The following FSTL4 variants were observed in gnomAD, a reference collection of about 807,000 sequenced individuals.
FSTL4 encodes the protein follistatin like 4, also known as follistatin-related protein 4.
A neutral mutation model predicts 78.2 loss-of-function variants in FSTL4; 28 were observed. That is an observed-to-expected ratio of 0.36 (90% CI 0.27 to 0.49). The LOEUF is 0.49. Among genes scored for constraint, FSTL4 ranks in the 20% least tolerant of loss-of-function variants. The pLI is 0.98. For missense variants in FSTL4, 922 were observed against 1,084.9 expected (o/e 0.85, Z 2.11); for synonymous variants, 422 against 440.5 (o/e 0.96, Z 0.53).
chr5:133,248,861 T>A (rs991159043), intron 7 of FSTL4: 3 of 159,772 alleles, frequency 1.9e-5, no homozygotes, highest in Admixed American at 1.8e-4. Flanking sequence ...CCTGACCTGG[T>A]TTCCCTCTAC....
At position 133,603,840 on chromosome 5, in the gene FSTL4, G is replaced by C. The variant is rs150489062; in HGVS notation, c.126+18C>G. 1.2e-6 allele frequency: 2 copies of C among 1,612,402 alleles called. No homozygotes were observed. The highest frequency in any genetic ancestry group is 1.1e-5 in the South Asian group (1 of 91,016). ...GCAATCAGTTTGAAATGTTATGTCC[G>C]CAGGGATTTGACTATACCTCTGCCT... On this transcript the variant is annotated intron_variant, in intron 2 of 15. Coordinates refer to ENST00000265342, the MANE Select transcript of FSTL4 (RefSeq NM_015082.2).
chr5:133,657,402 T>A, the FSTL4 span, among the ~76,000 whole-genome samples: 18 of 152,240 alleles, frequency 1.2e-4, no homozygotes, highest in African/African-American at 4.3e-4. Context: ...GTGACCATGT[T>A]ATATGAGGTG....
chr5:133,477,991 C>T (rs943360179), intron 3 of FSTL4, among the ~76,000 whole-genome samples: 7 of 152,188 alleles, frequency 4.6e-5, no homozygotes, highest in African/African-American at 7.2e-5. Flanking sequence ...CTGAGGGAGA[C>T]GCCAATCATT....
At chr5:133,666,618 C>T in the FSTL4 span, among the ~76,000 whole-genome samples, 4 of 151,600 alleles carry the variant, frequency 2.6e-5, no homozygotes, top group Admixed American at 2.6e-4. Context: ...ACCCTGGTGG[C>T]TTTAACACCG....
intron 3 of FSTL4, among the ~76,000 whole-genome samples, chr5:133,456,954 A>C (rs1395728161): frequency 1.3e-5 from 2 of 152,148 alleles, no homozygotes; most frequent in Admixed American, 6.5e-5. Flanking sequence ...TGCCCTTCAG[A>C]TCTCTACACA....
At chr5:133,521,568 C>T (rs1269622342) in intron 3 of FSTL4, among the ~76,000 whole-genome samples, 1 of 152,106 alleles carries the variant, frequency 6.6e-6, no homozygotes, top group Non-Finnish European at 1.5e-5. Flanking sequence ...GAGGAATCAT[C>T]AAATGAATGA....
the FSTL4 span, among the ~76,000 whole-genome samples, chr5:133,813,273 T>C: frequency 3.9e-5 from 6 of 152,380 alleles, no homozygotes; most frequent in Middle Eastern, 3.4e-3. Context: ...TTACTTAACG[T>C]AACATATCTG....
At chr5:133,601,827 G>A (rs1423770311) in intron 2 of FSTL4, among the ~76,000 whole-genome samples, 1 of 151,902 alleles carries the variant, frequency 6.6e-6, no homozygotes, top group East Asian at 1.9e-4. Context: ...GGGACTACAG[G>A]AGTGCACCAC....
chr5:133,349,295 CTG>C (rs1554107119), intron 4 of FSTL4, among the ~76,000 whole-genome samples: 1,468 of 139,582 alleles, frequency 0.011, 14 homozygotes, highest in Middle Eastern at 0.032. Flanking sequence ...GCCTCTCTCT[CTG>C]TGTGTGTGTG....
chr5:133,406,555 C>T (rs58496476), intron 3 of FSTL4, among the ~76,000 whole-genome samples: 1 of 152,200 alleles, frequency 6.6e-6, no homozygotes, highest in Non-Finnish European at 1.5e-5. Context: ...CTCCACACTC[C>T]TAGATGCCCT....
chr5:133,202,416 A>G (rs1433337045), intron 14 of FSTL4: 1 of 159,176 alleles, frequency 6.3e-6, no homozygotes, highest in African/African-American at 2.4e-5. Context: ...GTGGTTGCTC[A>G]GAGACCACCT....
chr5:133,297,519 T>TA (rs1313928096), intron 6 of FSTL4, among the ~76,000 whole-genome samples: 1 of 152,198 alleles, frequency 6.6e-6, no homozygotes, highest in Non-Finnish European at 1.5e-5. Context: ...TCTTCACCTC[T>TA]AAAATGAGAC....
the FSTL4 span, among the ~76,000 whole-genome samples, chr5:133,831,737 A>G: frequency 6.6e-6 from 1 of 152,248 alleles, no homozygotes; most frequent in Non-Finnish European, 1.5e-5. Flanking sequence ...GGTTTGCAAA[A>G]GCACAAGAGC....
intron 3 of FSTL4, among the ~76,000 whole-genome samples, chr5:133,464,746 C>T (rs529581618): frequency 6.6e-6 from 1 of 152,364 alleles, no homozygotes; most frequent in South Asian, 2.1e-4. Context: ...GCTCACCCAG[C>T]TGCAGGATTT....
At chr5:133,331,130 A>T (rs554315664) in intron 4 of FSTL4, among the ~76,000 whole-genome samples, 2 of 152,288 alleles carry the variant, frequency 1.3e-5, no homozygotes, top group East Asian at 3.9e-4. Context: ...GCTGAGAGGG[A>T]AAGCAGCCCC....
chr5:133,825,404 A>C, the FSTL4 span, among the ~76,000 whole-genome samples: 1 of 152,216 alleles, frequency 6.6e-6, no homozygotes, highest in Non-Finnish European at 1.5e-5. Context: ...ACCTTAGCAC[A>C]AACTAATAGC....
intron 11 of FSTL4, 104 bp downstream of exon 11, chr5:133,224,086 C>T (rs891256942): frequency 2.4e-6 from 2 of 836,748 alleles, no homozygotes; most frequent in East Asian, 2.5e-5. Context: ...TCCCATAGGG[C>T]TGCTTTGTGT....
At chr5:133,697,676 T>TCAGAAGTCCCCTCTGCAGGCTC in the FSTL4 span, among the ~76,000 whole-genome samples, 2 of 152,192 alleles carry the variant, frequency 1.3e-5, no homozygotes, top group African/African-American at 4.8e-5. Flanking sequence ...ATGGCAGGCT[T>TCAGAAGTCCCCTCTGCAGGCTC]CAGCAGTCCC....
intron 4 of FSTL4, among the ~76,000 whole-genome samples, chr5:133,320,733 C>T (rs576757746): frequency 1.8e-4 from 28 of 152,204 alleles, no homozygotes; most frequent in African/African-American, 6.3e-4. Context: ...ATTGGCTGGG[C>T]GTGGTGGCTC....
Sources: gnomAD v4.1 joint callset for allele counts (sites outside exome capture counted in the v4.1 genomes callset) on GRCh38, gnomAD v4.1.1 for gene constraint, MANE v1.5 for transcripts, NCBI Gene and HGNC (gene_info 2026-07-23, HGNC 2026-07-21) for gene names.